Variants in TEX15 observed in about 807,000 individuals in gnomAD.
The protein encoded by TEX15 is testis expressed 15, meiosis and synapsis associated.
TEX15 carries 171 observed loss-of-function variants against 237.3 expected under a neutral mutation model. The ratio of observed to expected loss-of-function variants is 0.72; its 90% confidence interval spans 0.64 to 0.82. The LOEUF (loss-of-function observed/expected upper bound fraction) is 0.82, where lower values mean the gene tolerates loss of function less well. Ranked by LOEUF, TEX15 falls within the 40% of genes least tolerant of loss-of-function variation. The pLI, the probability that TEX15 is intolerant of heterozygous loss-of-function variation, is 0.00. For missense variants in TEX15, 3,750 were observed against 3,646.5 expected (o/e 1.03, Z -0.73); for synonymous variants, 1,338 against 1,269.8 (o/e 1.05, Z -1.14).
chr8:30,855,099 A>AG (rs1423561965), intron 7 of TEX15, among the ~76,000 whole-genome samples: 1 of 152,136 alleles, frequency 6.6e-6, no homozygotes, highest in African/African-American at 2.4e-5. Flanking sequence ...CTCTTACTGA[A>AG]GGTGCTTAGC....
At chr8:30,879,138 T>A (rs1458156108) in intron 3 of TEX15, among the ~76,000 whole-genome samples, 1 of 152,104 alleles carries the variant, frequency 6.6e-6, no homozygotes, top group Non-Finnish European at 1.5e-5. Flanking sequence ...TTTTTTTTTT[T>A]ACCTACTGAA....
intron 3 of TEX15, 107 bp downstream of exon 3, chr8:30,887,060 A>G (rs1808665418): frequency 3.8e-6 from 4 of 1,039,448 alleles, no homozygotes; most frequent in Non-Finnish European, 4.0e-6. Context: ...TAGAGACCTG[A>G]ATTAACCTAA....
At chr8:30,851,042 A>T (rs1247468909) in intron 7 of TEX15, among the ~76,000 whole-genome samples, 1 of 152,182 alleles carries the variant, frequency 6.6e-6, no homozygotes, top group Non-Finnish European at 1.5e-5. Context: ...ATTCGTACAA[A>T]TTTCCTGGAA....
At chr8:30,851,314 T>G (rs937655429) in intron 7 of TEX15, among the ~76,000 whole-genome samples, 2 of 152,230 alleles carry the variant, frequency 1.3e-5, no homozygotes, top group African/African-American at 4.8e-5. Flanking sequence ...CAGAATGTTA[T>G]GCAGCTATTA....
chr8:30,861,184 GA>G lies in TEX15; in HGVS notation c.541-1128del, dbSNP rs200546057. Among the ~76,000 whole-genome samples, 529 of 152,066 alleles carry G rather than the reference GA, an allele frequency of 3.5e-3. 2 individuals carry two copies. Among genetic ancestry groups the G allele is most frequent in the Middle Eastern group, 0.014 (4 of 292 alleles). ...ATTCAATTAATGATGTGAGACAACA[GA>G]AAAAATTAAATTCTTTTCTTAACAT... On this transcript the variant is annotated intron_variant, in intron 5 of 10. Coordinates refer to ENST00000643185, the MANE Select transcript of TEX15 (RefSeq NM_001350162.2).
chr8:30,863,425 G>A (rs1279451872), intron 5 of TEX15, among the ~76,000 whole-genome samples: 1 of 152,122 alleles, frequency 6.6e-6, no homozygotes, highest in Admixed American at 6.5e-5. Context: ...GCTTGTACAT[G>A]TGTTCTTGGC....
At chr8:30,860,539 C>A (rs1380460643) in intron 5 of TEX15, among the ~76,000 whole-genome samples, 1 of 151,270 alleles carries the variant, frequency 6.6e-6, no homozygotes, top group African/African-American at 2.4e-5. Context: ...TAGAGTAATA[C>A]CAATTAAAAT....
At chr8:30,854,468 T>A (rs1038930824) in intron 7 of TEX15, among the ~76,000 whole-genome samples, 16 of 152,072 alleles carry the variant, frequency 1.1e-4, no homozygotes, top group African/African-American at 3.1e-4. Context: ...AGAACAGACC[T>A]AAAACAAGTG....
At chr8:30,868,090 A>T (rs1808212708) in intron 4 of TEX15, among the ~76,000 whole-genome samples, 1 of 152,046 alleles carries the variant, frequency 6.6e-6, no homozygotes, top group African/African-American at 2.4e-5. Context: ...TATATCAATT[A>T]TTAGGGACAT....
intron 5 of TEX15, 110 bp from the exon 6 acceptor site, chr8:30,860,167 G>GTGAGACCCT: frequency 1.0e-6 from 1 of 982,388 alleles, no homozygotes; most frequent in Non-Finnish European, 1.4e-6. Context: ...TCTGAGACAG[G>GTGAGACCCT]GTCTCACTCT....
At chr8:30,833,411 T>A (rs1390848123) in intron 10 of TEX15, 88 bp from the exon 11 acceptor site, 45 of 1,031,554 alleles carry the variant, frequency 4.4e-5, no homozygotes, top group Non-Finnish European at 5.0e-5. Context: ...GAGTTTAAAT[T>A]ACAGCTAAAG....
intron 1 of TEX15, among the ~76,000 whole-genome samples, chr8:30,899,707 G>C (rs1255516865): frequency 6.6e-6 from 1 of 152,056 alleles, no homozygotes; most frequent in African/African-American, 2.4e-5. Flanking sequence ...CAAAGTGCTG[G>C]GATTACAAGA....
intron 10 of TEX15, 75 bp downstream of exon 10, chr8:30,836,728 T>C: frequency 1.5e-6 from 2 of 1,314,740 alleles, no homozygotes; most frequent in Non-Finnish European, 2.1e-6. Flanking sequence ...TCACTTACTG[T>C]GAATTTCACT....
In TEX15 at chr8:30,843,217, G is replaced by A. The variant is rs377414011; in HGVS notation, c.6950C>T (p.Thr2317Ile). 64 of 1,613,326 alleles carry A rather than the reference G, an allele frequency of 4.0e-5. No individual in the cohort carries two copies. The highest frequency in any genetic ancestry group is 5.1e-5 in the Non-Finnish European group (60 of 1,179,658). Residue 2317 changes from threonine to isoleucine, a missense_variant, in exon 8 of 11, where the codon ACT (threonine) becomes ATT (isoleucine). Physicochemically the swap from Thr to Ile is moderately conservative, Grantham distance 89. Coordinates refer to ENST00000643185, the MANE Select transcript of TEX15 (RefSeq NM_001350162.2). The part of the protein sequence containing the change: ...AFSKLQKIYD[T>I]LSKDLNNEPI... Reference sequence around the variant, plus strand: ...TTCATTGTTTAAATCTTTAGACAAAGTATCATATATCTTCTGCAACTTAGA... The same window carrying A: ...TTCATTGTTTAAATCTTTAGACAAAATATCATATATCTTCTGCAACTTAGA...
chr8:30,846,243 G>C lies in TEX15; in HGVS notation c.3924C>G (p.Ser1308=). The C allele has an allele frequency of 6.2e-7, 1 of 1,613,468 alleles. No homozygotes were observed. The highest frequency in any genetic ancestry group is 8.5e-7 in the Non-Finnish European group (1 of 1,179,676). ...RISKRKLHIS[S]RDQNIPHKDL... ...CTTTATGTGGTATGTTCTGATCCCT[G>C]GAAGATATATGTAGCTTCCTTTTGC... The change falls in exon 8 of 11, where the codon TCC becomes TCG. Residue 1308 remains serine, a synonymous_variant. Coordinates refer to ENST00000643185, the MANE Select transcript of TEX15 (RefSeq NM_001350162.2).
rs1296614344 is a variant in TEX15, at chr8:30,859,953, A to C, written c.645T>G (p.Pro215=). ...GCAGTTCAATGGTATCTTTCAAAGA[A>C]GGTGCATTTCTTGACATATGGCAAT... The part of the protein sequence containing the change: ...NFDCHMSRNA[P]SLKDTIELQA... Residue 215 remains proline (P), a synonymous_variant, in exon 6 of 11, where the codon CCT becomes CCG. Coordinates refer to ENST00000643185, the MANE Select transcript of TEX15 (RefSeq NM_001350162.2). 1 of 1,514,042 alleles carries C rather than the reference A, an allele frequency of 6.6e-7. No homozygotes were observed. The highest frequency in any genetic ancestry group is 1.3e-5 in the South Asian group (1 of 78,130). The allele number at this position is 1,514,042 out of a possible 1,614,324, so 93.8% of individuals were successfully genotyped here. A position where few individuals can be genotyped will look rare whatever the true frequency, so the allele number is the denominator to read the frequency against.
rs143791944 is a variant in TEX15, at chr8:30,833,943, T to A, written c.9482-620A>T. On this transcript the variant is annotated intron_variant, in intron 10 of 10. Transcript: ENST00000643185. ...TTGATTCCAGAGCTATCTTTTTTAA[T>A]ATCACAAATAGCTTAACTATTAAGA... Among the ~76,000 whole-genome samples, 425 of 152,316 alleles carry A rather than the reference T, an allele frequency of 2.8e-3. 3 individuals carry two copies. Among genetic ancestry groups the A allele is most frequent in the African/African-American group, 9.9e-3 (412 of 41,570 alleles).
rs1563267034 is a variant in TEX15 at position 30,881,626 on chromosome 8, ATTAT to A, written c.136+5537_136+5540del. Among the ~76,000 whole-genome samples the A allele has an allele frequency of 1.8e-4, 14 of 76,256 alleles. 1 individual carries two copies. The highest frequency in any genetic ancestry group is 1.2e-3 in the African/African-American group (11 of 8,868). 50.0% of individuals were successfully genotyped at this position (76,256 alleles called of 152,430 possible). ...CCATCTTGACTTTTTATTTTTTTTT[ATTAT>A]TTTTTTTTTTTGAGACAGTCTTGCT... On this transcript the variant is annotated intron_variant, in intron 3 of 10. Coordinates refer to ENST00000643185, the MANE Select transcript of TEX15 (RefSeq NM_001350162.2).
intron 10 of TEX15, among the ~76,000 whole-genome samples, chr8:30,835,216 T>C (rs1199989715): frequency 6.6e-6 from 1 of 152,070 alleles, no homozygotes; most frequent in African/African-American, 2.4e-5. Context: ...GTGATTCTCA[T>C]GCCTCACCTT....
Sources: allele counts gnomAD v4.1 joint callset (sites outside exome capture counted in the v4.1 genomes callset), GRCh38; gene constraint gnomAD v4.1.1; transcripts MANE v1.5; gene names NCBI Gene and HGNC (gene_info 2026-07-23, HGNC 2026-07-21).